The following LRBA variants were observed in gnomAD, a reference collection of about 807,000 sequenced individuals.
LRBA encodes the protein lipopolysaccharide-responsive and beige-like anchor protein.
LRBA carries 176 observed loss-of-function variants against 330.0 expected under a neutral mutation model. The observed-to-expected ratio is 0.53, with a 90% CI of 0.47 to 0.60. The LOEUF (loss-of-function observed/expected upper bound fraction) is 0.60. LRBA is among the 20% of genes least tolerant of loss of function. The pLI is 0.00. For synonymous variants in LRBA, 1,230 were observed against 1,193.0 expected, an observed-to-expected ratio of 1.03 and a Z score of -0.64; for missense variants, 3,259 against 3,444.8, an observed-to-expected ratio of 0.95 and a Z score of 1.35.
At chr4:150,536,737 A>G (rs1764693514) in intron 40 of LRBA, among the ~76,000 whole-genome samples, 1 of 152,240 alleles carries the variant, frequency 6.6e-6, no homozygotes, top group Admixed American at 6.5e-5. Flanking sequence ...TCAAGAACAC[A>G]ATCCCATTTA....
chr4:150,524,646 A>G (rs1047756437), intron 40 of LRBA, among the ~76,000 whole-genome samples: 1 of 152,160 alleles, frequency 6.6e-6, no homozygotes, highest in Non-Finnish European at 1.5e-5. Context: ...TTTCACTGAT[A>G]ATGAAATACA....
At chr4:150,775,471 AC>A (rs1355963463) in intron 34 of LRBA, among the ~76,000 whole-genome samples, 6 of 149,412 alleles carry the variant, frequency 4.0e-5, no homozygotes, top group Admixed American at 2.7e-4. Flanking sequence ...ACACACACAC[AC>A]ACACACACAC....
intron 47 of LRBA, among the ~76,000 whole-genome samples, chr4:150,395,494 C>A (rs1744603566): frequency 6.6e-6 from 1 of 152,034 alleles, no homozygotes; most frequent in Non-Finnish European, 1.5e-5. Context: ...ACTGTTATGG[C>A]CTCCTAATTG....
chr4:150,579,111 T>C, intron 40 of LRBA: 2 of 375,798 alleles, frequency 5.3e-6, no homozygotes, highest in Non-Finnish European at 1.0e-5. Context: ...TAGAGTTTCT[T>C]TCTCTCACTT....
At chr4:150,604,282 T>C (rs572508747) in intron 37 of LRBA, among the ~76,000 whole-genome samples, 38 of 152,014 alleles carry the variant, frequency 2.5e-4, no homozygotes, top group African/African-American at 8.9e-4. Flanking sequence ...TGCATGTCTG[T>C]AGTTCTAGCT....
At chr4:151,001,407 G>C (rs1579456566) in intron 2 of LRBA, among the ~76,000 whole-genome samples, 1 of 152,150 alleles carries the variant, frequency 6.6e-6, no homozygotes, top group East Asian at 1.9e-4. Context: ...CATATTGTTG[G>C]GGGGCCTGAT....
At chr4:150,812,744 A>G (rs967562877) in intron 31 of LRBA, among the ~76,000 whole-genome samples, 3 of 152,230 alleles carry the variant, frequency 2.0e-5, no homozygotes, top group Admixed American at 6.5e-5. Flanking sequence ...AGTAAGTGGT[A>G]GAATTACTAA....
At chr4:150,898,462 A>T (rs1346211797) in intron 14 of LRBA, among the ~76,000 whole-genome samples, 1 of 151,968 alleles carries the variant, frequency 6.6e-6, no homozygotes, top group Non-Finnish European at 1.5e-5. Flanking sequence ...GAAACCAAAC[A>T]CTCATTGTTC....
chr4:150,630,557 T>C (rs1377285149), intron 37 of LRBA, among the ~76,000 whole-genome samples: 1 of 150,870 alleles, frequency 6.6e-6, no homozygotes, highest in African/African-American at 2.4e-5. Flanking sequence ...GTAGTTTATG[T>C]CTACTTAAAC....
chr4:150,468,701 C>G (rs1012416950), intron 43 of LRBA, among the ~76,000 whole-genome samples: 3 of 152,072 alleles, frequency 2.0e-5, no homozygotes, highest in Non-Finnish European at 4.4e-5. Context: ...GAATTCCTTT[C>G]TTATTATATA....
intron 2 of LRBA, among the ~76,000 whole-genome samples, chr4:150,985,803 G>A (rs897827271): frequency 1.3e-5 from 2 of 151,992 alleles, no homozygotes; most frequent in African/African-American, 2.4e-5. Flanking sequence ...CAGTTGAATT[G>A]CACGTTTTTA....
intron 44 of LRBA, among the ~76,000 whole-genome samples, chr4:150,467,202 T>A (rs1755552744): frequency 6.6e-6 from 1 of 152,140 alleles, no homozygotes; most frequent in Admixed American, 6.6e-5. Context: ...TTCATAAAGA[T>A]ACTTTTTTAA....
chr4:150,816,199 C>T (rs1052901405), intron 31 of LRBA, among the ~76,000 whole-genome samples: 19 of 151,874 alleles, frequency 1.3e-4, no homozygotes, highest in African/African-American at 3.6e-4. Context: ...AAAGAAGTAA[C>T]GGCATTATTT....
Position 150,916,502 on chromosome 4 carries a change from A to G in LRBA, c.793T>C (p.Tyr265His). 1 of 1,613,764 alleles carries G rather than the reference A, an allele frequency of 6.2e-7. No individual in the cohort carries two copies. The highest frequency in any genetic ancestry group is 8.5e-7 in the Non-Finnish European group (1 of 1,179,880). The change falls in exon 7 of 57, where the codon TAT (tyrosine) becomes CAT (histidine). Residue 265 changes from tyrosine (Y) to histidine (H), a missense_variant. Tyr to His is a moderately conservative substitution (Grantham distance 83). Transcript: ENST00000651943. ...YCFRTSKGLG[Y>H]SAHFVGGCLI... ...CAGCCTCCAACAAAATGAGCAGAAT[A>G]GCCAAGACCTTTGCTGGTTCTGAAA... is the stretch of plus-strand genomic sequence containing the variant.
rs1758266293 is a variant in LRBA, at chr4:150,489,021, TAAG to T, written c.6449-1190_6449-1188del. Among the ~76,000 whole-genome samples the T allele has an allele frequency of 6.9e-5, 8 of 115,722 alleles. 1 individual carries two copies. The South Asian group carries it at 1.5e-3, about 21-fold the overall frequency. The allele number at this position is 115,722 out of a possible 152,430, so 75.9% of individuals were successfully genotyped here. On this transcript the variant is annotated intron_variant, in intron 41 of 56. Transcript: ENST00000651943. ...ATAAGAATATATAATATATTATATA[TAAG>T]AATATATATTATATATAATATATTA...
intron 5 of LRBA, among the ~76,000 whole-genome samples, chr4:150,919,657 A>G (rs1733031814): frequency 6.6e-6 from 1 of 152,228 alleles, no homozygotes; most frequent in Non-Finnish European, 1.5e-5. Context: ...TAGGAGAAAA[A>G]CATATATTCA....
Position 150,928,915 on chromosome 4 carries a change from G to T in LRBA, c.367C>A (p.Arg123=). 6.2e-7 allele frequency: 1 copy of T among 1,613,934 alleles called. No individual in the cohort carries two copies. The highest frequency in any genetic ancestry group is 8.5e-7 in the Non-Finnish European group (1 of 1,179,964). ...ACTTCAGTGCAGACTTGAAGATTCC[G>T]TATGCTTTTCTTCAGAATGGCTGTA... The part of the protein sequence containing the change: ...MFTAILKKSI[R]NLQVCTEVGL... Residue 123 remains arginine (R), a synonymous_variant, in exon 3 of 57, where the codon CGG becomes AGG. Coordinates refer to ENST00000651943, the MANE Select transcript of LRBA (RefSeq NM_001364905.1).
chr4:150,783,017 T>G (rs1300391517), intron 34 of LRBA, among the ~76,000 whole-genome samples: 3 of 152,168 alleles, frequency 2.0e-5, no homozygotes, highest in Admixed American at 6.5e-5. Flanking sequence ...ATGTCAGAAA[T>G]TCAGCTTAAT....
At chr4:150,570,666 A>C (rs1769725184) in intron 40 of LRBA, among the ~76,000 whole-genome samples, 1 of 152,102 alleles carries the variant, frequency 6.6e-6, no homozygotes, top group Admixed American at 6.6e-5. Flanking sequence ...AGGGTATGAA[A>C]AAAATCTGTT....
Sources: gnomAD v4.1 joint callset for allele counts (sites outside exome capture counted in the v4.1 genomes callset) on GRCh38, gnomAD v4.1.1 for gene constraint, MANE v1.5 for transcripts, NCBI Gene and HGNC (gene_info 2026-07-23, HGNC 2026-07-21) for gene names.